PTPRT: variants seen among roughly 807,000 people sequenced by gnomAD.
PTPRT encodes the protein protein tyrosine phosphatase receptor type T.
In PTPRT, 56 loss-of-function variants were observed where a neutral mutation model predicts 176.8. That is an observed-to-expected ratio of 0.32 (90% CI 0.26 to 0.40). PTPRT has a LOEUF of 0.40. Among genes scored for constraint, PTPRT ranks in the 10% least tolerant of loss-of-function variants. The pLI is 1.00. For synonymous variants in PTPRT, 783 were observed against 739.0 expected, an observed-to-expected ratio of 1.06 and a Z score of -0.96; for missense variants, 1,540 against 1,908.2, an observed-to-expected ratio of 0.81 and a Z score of 3.60.
At chr20:42,997,832 C>T (rs1005686653) in intron 1 of PTPRT, among the ~76,000 whole-genome samples, 6 of 152,014 alleles carry the variant, frequency 3.9e-5, no homozygotes, top group African/African-American at 1.4e-4. Context: ...GGATTCAATC[C>T]GAGGCCTCCA....
intron 7 of PTPRT, among the ~76,000 whole-genome samples, chr20:42,598,621 C>T (rs962364036): frequency 1.3e-5 from 2 of 151,938 alleles, no homozygotes; most frequent in Admixed American, 6.6e-5. Context: ...ACAACATGTA[C>T]ATTATTTTCA....
At position 42,128,842 on chromosome 20, in the gene PTPRT, G is replaced by A. The variant is rs200867894; in HGVS notation, c.2771-12C>T. ...CCGGGAATGGTCGTCTGCAGAGAGAGCAGAAATCAAGGGGATGGTTGATAA... is the reference window on the plus strand; with the variant it reads ...CCGGGAATGGTCGTCTGCAGAGAGAACAGAAATCAAGGGGATGGTTGATAA... On this transcript the variant is annotated splice_polypyrimidine_tract_variant and intron_variant, in intron 18 of 30. Transcript: ENST00000373187. 59 of 1,597,536 alleles carry A rather than the reference G, an allele frequency of 3.7e-5. No individual in the cohort carries two copies. The highest frequency in any genetic ancestry group is 2.3e-5 in the South Asian group (2 of 88,352).
At chr20:42,796,478 A>G (rs879887106) in intron 2 of PTPRT, among the ~76,000 whole-genome samples, 1 of 152,200 alleles carries the variant, frequency 6.6e-6, no homozygotes, top group Non-Finnish European at 1.5e-5. Flanking sequence ...CCAGTAGGGA[A>G]CAAGTAACTT....
intron 1 of PTPRT, among the ~76,000 whole-genome samples, chr20:42,921,051 G>T (rs1979115786): frequency 6.6e-6 from 1 of 152,180 alleles, no homozygotes; most frequent in South Asian, 2.1e-4. Flanking sequence ...TGCTCATGAT[G>T]AAATGTTAAG....
chr20:42,863,279 A>G (rs1457109500), intron 2 of PTPRT, among the ~76,000 whole-genome samples: 1 of 152,242 alleles, frequency 6.6e-6, no homozygotes, highest in African/African-American at 2.4e-5. Flanking sequence ...AAGTGCCTAC[A>G]GCAGCTGTGA....
intron 1 of PTPRT, among the ~76,000 whole-genome samples, chr20:42,993,376 C>A (rs554838956): frequency 6.8e-6 from 1 of 146,368 alleles, no homozygotes; most frequent in South Asian, 2.1e-4. Context: ...TGAGATCATG[C>A]CACTGCACTC....
intron 1 of PTPRT, among the ~76,000 whole-genome samples, chr20:43,177,346 T>C (rs1405050951): frequency 6.6e-6 from 1 of 152,190 alleles, no homozygotes; most frequent in East Asian, 1.9e-4. Context: ...TGGAACCTTT[T>C]GTGTGAGCCA....
chr20:42,035,714 C>T, the PTPRT span, among the ~76,000 whole-genome samples: 1 of 152,150 alleles, frequency 6.6e-6, no homozygotes, highest in African/African-American at 2.4e-5. Context: ...ATTGCTAGCA[C>T]CTGGCAGAGT....
chr20:42,901,652 A>C (rs1038043751), intron 1 of PTPRT, among the ~76,000 whole-genome samples: 10 of 152,172 alleles, frequency 6.6e-5, no homozygotes, highest in Admixed American at 6.5e-4. Flanking sequence ...CCACAGTGGT[A>C]GCACAGTTCT....
chr20:42,582,457 G>C (rs550687805), intron 7 of PTPRT, among the ~76,000 whole-genome samples: 6 of 152,262 alleles, frequency 3.9e-5, no homozygotes, highest in African/African-American at 1.4e-4. Context: ...AGCCACCTGG[G>C]CTGCCACCTA....
intron 16 of PTPRT, among the ~76,000 whole-genome samples, chr20:42,169,150 G>C (rs1989964783): frequency 6.6e-6 from 1 of 152,156 alleles, no homozygotes; most frequent in African/African-American, 2.4e-5. Context: ...CCATATAGCA[G>C]GGTTGGGGCA....
intron 12 of PTPRT, among the ~76,000 whole-genome samples, chr20:42,285,754 C>T (rs1431867162): frequency 6.6e-6 from 1 of 151,632 alleles, no homozygotes; most frequent in African/African-American, 2.4e-5. Flanking sequence ...CTGTCTCTGT[C>T]TGCACATGAC....
At chr20:42,217,171 C>T (rs1216881619) in intron 15 of PTPRT, among the ~76,000 whole-genome samples, 2 of 151,966 alleles carry the variant, frequency 1.3e-5, no homozygotes, top group Non-Finnish European at 1.5e-5. Context: ...GACAGGAGTT[C>T]GAGACCAGCC....
At chr20:43,180,242 G>A (rs77475651) in intron 1 of PTPRT, among the ~76,000 whole-genome samples, 6,493 of 151,838 alleles carry the variant, frequency 0.043, 195 homozygotes, top group Non-Finnish European at 0.067. Flanking sequence ...TCAGGCCTTC[G>A]GACTTACATC....
At chr20:42,837,338 G>T (rs1265582092) in intron 2 of PTPRT, among the ~76,000 whole-genome samples, 1 of 152,168 alleles carries the variant, frequency 6.6e-6, no homozygotes, top group Admixed American at 6.5e-5. Context: ...ATGTGGGCAT[G>T]GTCTTCTGCT....
chr20:42,834,551 C>T (rs1305762444), intron 2 of PTPRT, among the ~76,000 whole-genome samples: 1 of 152,060 alleles, frequency 6.6e-6, no homozygotes, highest in Non-Finnish European at 1.5e-5. Context: ...GAGACAAAAA[C>T]CGGTATGCTG....
chr20:42,666,912 T>A (rs187316286), intron 7 of PTPRT, among the ~76,000 whole-genome samples: 2 of 152,356 alleles, frequency 1.3e-5, no homozygotes, highest in East Asian at 3.9e-4. Flanking sequence ...GCTTGTTTTT[T>A]CAGTTAAGTT....
At position 43,056,911 on chromosome 20, in the gene PTPRT, G is replaced by A. The variant is rs958424036; in HGVS notation, c.88+132735C>T. Among the ~76,000 whole-genome samples, 5 of 152,006 alleles carry A rather than the reference G, an allele frequency of 3.3e-5. No homozygotes were observed. In the South Asian group the frequency reaches 6.2e-4, roughly 19 times the overall value. On this transcript the variant is annotated intron_variant, in intron 1 of 30. Coordinates refer to ENST00000373187, the MANE Select transcript of PTPRT (RefSeq NM_007050.6). Reference sequence around the variant, plus strand: ...TTGCAAAGGAAATTTTTCCTCAAGCGTCCTTATTCCTGCTTCCTTTTATCT... The same window carrying A: ...TTGCAAAGGAAATTTTTCCTCAAGCATCCTTATTCCTGCTTCCTTTTATCT...
intron 1 of PTPRT, among the ~76,000 whole-genome samples, chr20:43,024,462 C>T (rs1985831951): frequency 6.6e-6 from 1 of 151,854 alleles, no homozygotes; most frequent in Admixed American, 6.6e-5. Flanking sequence ...TGGTGGCACG[C>T]TCCTATAATC....
Sources: allele counts gnomAD v4.1 joint callset (sites outside exome capture counted in the v4.1 genomes callset), GRCh38; gene constraint gnomAD v4.1.1; transcripts MANE v1.5; gene names NCBI Gene and HGNC (gene_info 2026-07-23, HGNC 2026-07-21).